PPP2R2B: variants seen among roughly 807,000 people sequenced by gnomAD.
PPP2R2B encodes the protein protein phosphatase 2 regulatory subunit Bbeta, also known as serine/threonine-protein phosphatase 2A 55 kDa regulatory subunit B beta isoform.
PPP2R2B carries 5 observed loss-of-function variants against 46.0 expected under a neutral mutation model. That is an observed-to-expected ratio of 0.11 (90% CI 0.06 to 0.23). PPP2R2B has a LOEUF of 0.23. Ranked by LOEUF, PPP2R2B falls within the 10% of genes least tolerant of loss-of-function variation. PPP2R2B has a pLI of 1.00. For synonymous variants in PPP2R2B, 215 were observed against 206.7 expected (o/e 1.04, Z -0.34); for missense variants, 367 against 575.0 (o/e 0.64, Z 3.70).
At chr5:146,899,328 T>C (rs4495234) in intron 1 of PPP2R2B, among the ~76,000 whole-genome samples, 65,076 of 140,532 alleles carry the variant, frequency 0.46, 16,506 homozygotes, top group East Asian at 0.69. Context: ...TTTGTAGGGA[T>C]GTGGATGAAA....
chr5:146,772,078 G>A (rs1293365738), intron 2 of PPP2R2B, among the ~76,000 whole-genome samples: 8 of 151,970 alleles, frequency 5.3e-5, no homozygotes, highest in Admixed American at 5.3e-4. Context: ...TACATCTACA[G>A]GAAAATGGTA....
intron 1 of PPP2R2B, among the ~76,000 whole-genome samples, chr5:147,003,887 A>G (rs1754306427): frequency 6.6e-6 from 1 of 152,042 alleles, no homozygotes; most frequent in South Asian, 2.1e-4. Context: ...CTGTCCCCCA[A>G]CTCACTCGAG....
chr5:146,817,844 T>G (rs1008981385), intron 2 of PPP2R2B, among the ~76,000 whole-genome samples: 2 of 152,228 alleles, frequency 1.3e-5, no homozygotes, highest in African/African-American at 4.8e-5. Flanking sequence ...TCATAACAAT[T>G]TATTCTGATG....
At chr5:146,851,340 A>T (rs1278789199) in intron 2 of PPP2R2B, among the ~76,000 whole-genome samples, 1 of 152,190 alleles carries the variant, frequency 6.6e-6, no homozygotes, top group Admixed American at 6.5e-5. Context: ...AGCCTGGGAT[A>T]CACACTAGGC....
intron 1 of PPP2R2B, among the ~76,000 whole-genome samples, chr5:147,017,270 T>C (rs1035600529): frequency 6.6e-6 from 1 of 151,488 alleles, no homozygotes; most frequent in Non-Finnish European, 1.5e-5. Flanking sequence ...TCTATTTGGA[T>C]GATTGTGCAG....
chr5:146,881,664 G>A (rs1215270408), upstream of PPP2R2B, among the ~76,000 whole-genome samples: 1 of 152,110 alleles, frequency 6.6e-6, no homozygotes, highest in East Asian at 1.9e-4. Context: ...TACCTGACTG[G>A]GCCTTCCAAA....
At chr5:146,607,902 G>A (rs1020528906) in intron 7 of PPP2R2B, 1 of 152,228 alleles carries the variant, frequency 6.6e-6, no homozygotes, top group Non-Finnish European at 1.5e-5. Context: ...AAGCAGCATA[G>A]ACAATATGTA....
intron 5 of PPP2R2B, among the ~76,000 whole-genome samples, chr5:146,663,687 C>A (rs2151111324): frequency 6.6e-6 from 1 of 152,188 alleles, no homozygotes; most frequent in Admixed American, 6.5e-5. Context: ...ATACTTTTTG[C>A]TAAATAATAC....
rs971099283 is a variant in PPP2R2B at position 147,003,551 on chromosome 5, T to C, written c.79+52114A>G. On this transcript the variant is annotated intron_variant, in intron 1 of 8. Transcript: ENST00000336640. ...AAACCCTGGCCTTTAATGAAAAGAA[T>C]GCGGCTTTAGCTGCAGCCCAAGAGT... Among the ~76,000 whole-genome samples the C allele has an allele frequency of 2.6e-5, 4 of 152,266 alleles. No homozygotes were observed. The East Asian group carries it at 7.8e-4, about 30-fold the overall frequency.
chr5:146,821,044 G>A (rs556562355), intron 2 of PPP2R2B, among the ~76,000 whole-genome samples: 1 of 151,944 alleles, frequency 6.6e-6, no homozygotes, highest in African/African-American at 2.4e-5. Context: ...CTTGACAGTG[G>A]TACATTCAGC....
intron 1 of PPP2R2B, among the ~76,000 whole-genome samples, chr5:146,953,373 A>G (rs1431195031): frequency 6.6e-6 from 1 of 152,210 alleles, no homozygotes; most frequent in African/African-American, 2.4e-5. Flanking sequence ...TATACGGGGT[A>G]TAATTTTATC....
intron 2 of PPP2R2B, among the ~76,000 whole-genome samples, chr5:146,705,901 A>C (rs983933278): frequency 1.3e-5 from 2 of 152,108 alleles, no homozygotes; most frequent in African/African-American, 4.8e-5. Context: ...CAATTTTGTC[A>C]AAGTGTTTTC....
At chr5:147,048,390 A>C (rs1756636979) in intron 1 of PPP2R2B, among the ~76,000 whole-genome samples, 1 of 152,238 alleles carries the variant, frequency 6.6e-6, no homozygotes, top group East Asian at 1.9e-4. Context: ...AAAAAATGAA[A>C]ATGGGGAAAA....
chr5:146,724,032 T>G (rs1257834848), intron 2 of PPP2R2B, among the ~76,000 whole-genome samples: 2 of 152,174 alleles, frequency 1.3e-5, no homozygotes, highest in Non-Finnish European at 2.9e-5. Flanking sequence ...TTTAGGACAG[T>G]GCCTGGTACA....
chr5:146,732,716 A>G (rs534814782), intron 2 of PPP2R2B, among the ~76,000 whole-genome samples: 1 of 152,336 alleles, frequency 6.6e-6, no homozygotes, highest in African/African-American at 2.4e-5. Context: ...AATCAATAGA[A>G]GAGGAATACT....
intron 2 of PPP2R2B, among the ~76,000 whole-genome samples, chr5:146,875,732 A>G (rs1013226284): frequency 2.0e-5 from 3 of 152,220 alleles, no homozygotes; most frequent in African/African-American, 7.2e-5. Context: ...ACTAGAAGCT[A>G]ATTCCCCACC....
At chr5:146,871,861 T>C (rs138362529) in intron 2 of PPP2R2B, among the ~76,000 whole-genome samples, 7 of 152,340 alleles carry the variant, frequency 4.6e-5, no homozygotes, top group African/African-American at 1.7e-4. Flanking sequence ...TGGTTCTCTG[T>C]ACCTTGAAAT....
At chr5:146,931,884 A>G (rs560039) in intron 1 of PPP2R2B, among the ~76,000 whole-genome samples, 34,124 of 152,124 alleles carry the variant, frequency 0.22, 4,885 homozygotes, top group African/African-American at 0.4. Context: ...GACTAATTTA[A>G]AAGAGAATTG....
chr5:147,008,925 G>A (rs946157996), intron 1 of PPP2R2B, among the ~76,000 whole-genome samples: 2 of 152,184 alleles, frequency 1.3e-5, no homozygotes, highest in African/African-American at 4.8e-5. Flanking sequence ...ATCAGTGTGG[G>A]AAGTGATATT....
Sources: gnomAD v4.1 joint callset for allele counts (sites outside exome capture counted in the v4.1 genomes callset) on GRCh38, gnomAD v4.1.1 for gene constraint, MANE v1.5 for transcripts, NCBI Gene and HGNC (gene_info 2026-07-23, HGNC 2026-07-21) for gene names.